EEF1D: variants seen among roughly 807,000 people sequenced by gnomAD.
EEF1D encodes the protein elongation factor 1-delta.
EEF1D carries 47 observed loss-of-function variants against 63.9 expected under a neutral mutation model. The observed-to-expected ratio is 0.74, with a 90% CI of 0.58 to 0.94. EEF1D has a LOEUF of 0.94. Among genes scored for constraint, EEF1D ranks in the 40% least tolerant of loss-of-function variants. EEF1D has a pLI of 0.00. For synonymous variants in EEF1D, 412 were observed against 386.1 expected (o/e 1.07, Z -0.79); for missense variants, 907 against 899.0 (o/e 1.01, Z -0.11).
In EEF1D at chr8:143,581,047, C is replaced by A. The variant is rs368574271; in HGVS notation, c.1488+7G>T. On this transcript the variant is annotated splice_region_variant and intron_variant, in intron 7 of 9. Coordinates refer to ENST00000618139, the MANE Select transcript of EEF1D (RefSeq NM_001130053.5). ...CCTGCAGTGTCAGGCGTGGGGAGAGCATTCACCTGGGTCTGTGGGGCCGTG... is the reference window on the plus strand; with the variant it reads ...CCTGCAGTGTCAGGCGTGGGGAGAGAATTCACCTGGGTCTGTGGGGCCGTG... The A allele has an allele frequency of 2.5e-6, 4 of 1,611,058 alleles. No homozygotes were observed. The highest frequency in any genetic ancestry group is 3.4e-6 in the Non-Finnish European group (4 of 1,179,720).
intron 3 of EEF1D, 129 bp from the exon 4 acceptor site, chr8:143,586,981 A>T (rs1265647866): frequency 8.3e-6 from 11 of 1,326,722 alleles, no homozygotes; most frequent in Non-Finnish European, 1.1e-5. Context: ...ACAAAGCGAC[A>T]CCAAGCCCGT....
At chr8:143,583,278 T>A (rs1473555926) in intron 5 of EEF1D, 1 of 152,270 alleles carries the variant, frequency 6.6e-6, no homozygotes, top group East Asian at 1.9e-4. Flanking sequence ...CCTCCAGAGC[T>A]GTGAGAAAAT....
intron 3 of EEF1D, 71 bp downstream of exon 3, chr8:143,588,920 G>A: frequency 4.0e-6 from 6 of 1,509,506 alleles, no homozygotes; most frequent in South Asian, 2.5e-5. Context: ...AGCTGGAGGA[G>A]CCCCAGCCTG....
Position 143,589,176 on chromosome 8 carries a change from C to T in EEF1D, c.906G>A (p.Leu302=). The T allele has an allele frequency of 1.9e-6, 3 of 1,601,694 alleles. No homozygotes were observed. The highest frequency in any genetic ancestry group is 2.6e-6 in the Non-Finnish European group (3 of 1,173,306). Residue 302 remains leucine (L), a synonymous_variant, in exon 3 of 10, where the codon TTG becomes TTA. Coordinates refer to ENST00000618139, the MANE Select transcript of EEF1D (RefSeq NM_001130053.5). ...CCTTCTGCAGGAAGTAACAGTAGGG[C>T]AAGGCAGAGGGGGCCTCCCCATCGG... ...RRADGEAPSA[L]PYCYFLQKDA...
chr8:143,586,150 A>T, intron 5 of EEF1D, 69 bp downstream of exon 5: 2 of 1,457,128 alleles, frequency 1.4e-6, no homozygotes, highest in Non-Finnish European at 1.9e-6. Flanking sequence ...AACCAGCAGC[A>T]TCAGGAAAAA....
intron 5 of EEF1D, chr8:143,582,775 C>A (rs1825805927): frequency 6.6e-6 from 1 of 152,236 alleles, no homozygotes; most frequent in East Asian, 1.9e-4. Flanking sequence ...TCCCTGAGCA[C>A]AGCTTCAACG....
At chr8:143,590,576 T>C in intron 2 of EEF1D, 1 of 1,071,432 alleles carries the variant, frequency 9.3e-7, no homozygotes, top group Non-Finnish European at 1.1e-6. Context: ...GCCACACCAC[T>C]GCCACACCCA....
At chr8:143,594,833 G>A (rs1435848228) in intron 1 of EEF1D, among the ~76,000 whole-genome samples, 3 of 152,232 alleles carry the variant, frequency 2.0e-5, no homozygotes, top group African/African-American at 7.2e-5. Context: ...CCCTGAGGAA[G>A]CGGGTCTTTA....
At chr8:143,581,691 A>G in intron 5 of EEF1D, 1 of 281,944 alleles carries the variant, frequency 3.5e-6, no homozygotes, top group Non-Finnish European at 6.7e-6. Flanking sequence ...GACACGCCTC[A>G]GGGGACCAGG....
At chr8:143,592,340 G>A (rs1441477827) in intron 2 of EEF1D, 2 of 937,488 alleles carry the variant, frequency 2.1e-6, no homozygotes, top group East Asian at 2.3e-4. Flanking sequence ...CGCCGCTCAG[G>A]GAGGGGAAGC....
intron 8 of EEF1D, 30 bp downstream of exon 8, chr8:143,580,476 G>T (rs1289822203): frequency 4.4e-6 from 7 of 1,600,884 alleles, no homozygotes; most frequent in Non-Finnish European, 4.3e-6. Context: ...GCAGTGCCTG[G>T]CCCCCTGAAG....
intron 4 of EEF1D, 64 bp from the exon 5 acceptor site, chr8:143,586,354 C>A: frequency 1.4e-6 from 2 of 1,418,372 alleles, no homozygotes; most frequent in Admixed American, 5.3e-5. Flanking sequence ...AATTAAAAAA[C>A]AAACCAAAAA....
intron 5 of EEF1D, among the ~76,000 whole-genome samples, chr8:143,585,602 G>A (rs936413777): frequency 1.3e-4 from 20 of 152,192 alleles, no homozygotes; most frequent in Middle Eastern, 3.2e-3. Flanking sequence ...CGGGGAGAAC[G>A]CAGTCCCAAC....
At chr8:143,580,794 C>T (rs1825346683) in intron 7 of EEF1D, 67 bp from the exon 8 acceptor site, 13 of 1,557,332 alleles carry the variant, frequency 8.3e-6, no homozygotes, top group Non-Finnish European at 1.1e-5. Context: ...GCTGCCTGGC[C>T]ACCTCCTGGC....
intron 1 of EEF1D, chr8:143,592,921 T>G (rs980884995): frequency 2.6e-5 from 4 of 154,610 alleles, no homozygotes; most frequent in African/African-American, 9.6e-5. Flanking sequence ...GGGATTACTG[T>G]CAGTTGGAGC....
intron 1 of EEF1D, among the ~76,000 whole-genome samples, chr8:143,594,229 T>A (rs1041013496): frequency 2.0e-5 from 3 of 152,126 alleles, no homozygotes; most frequent in Admixed American, 6.5e-5. Context: ...AGACAGTGTC[T>A]GCCAAGCACC....
chr8:143,596,581 G>T (rs1172469643), intron 1 of EEF1D: 1 of 152,308 alleles, frequency 6.6e-6, no homozygotes, highest in Non-Finnish European at 1.5e-5. Context: ...TGAGCCGCAG[G>T]CAGTGTCAAC....
In EEF1D at chr8:143,580,076, A is replaced by C. The variant is rs3208110; in HGVS notation, c.1841T>G (p.Val614Gly). The change falls in exon 9 of 10, where the codon GTG (valine) becomes GGG (glycine). Residue 614 changes from valine to glycine, a missense_variant. By Grantham distance (109) the Val-to-Gly change is moderately radical. Coordinates refer to ENST00000618139, the MANE Select transcript of EEF1D (RefSeq NM_001130053.5). The part of the protein sequence containing the change: ...YGIRKLQIQC[V>G]VEDDKVGTDL... ...TGTCCCCACCTTGTCGTCCTCCACC[A>C]CACACTGAATCTGTAGCTTCCGGAT... The C allele has an allele frequency of 6.2e-7, 1 of 1,613,916 alleles. No individual in the cohort carries two copies. The highest frequency in any genetic ancestry group is 8.5e-7 in the Non-Finnish European group (1 of 1,179,984).
At chr8:143,597,133 C>G (rs879629391) in intron 1 of EEF1D, 23 of 152,144 alleles carry the variant, frequency 1.5e-4, no homozygotes, top group Non-Finnish European at 2.9e-4. Flanking sequence ...CCCGCGGACG[C>G]CCTCCAAGCC....
Sources: gnomAD v4.1 joint callset for allele counts (sites outside exome capture counted in the v4.1 genomes callset) on GRCh38, gnomAD v4.1.1 for gene constraint, MANE v1.5 for transcripts, NCBI Gene and HGNC (gene_info 2026-07-23, HGNC 2026-07-21) for gene names.